MPRIP: variants seen among roughly 807,000 people sequenced by gnomAD.
The protein encoded by MPRIP is myosin phosphatase Rho interacting protein.
A neutral mutation model predicts 234.9 loss-of-function variants in MPRIP; 59 were observed. The observed-to-expected ratio is 0.25, with a 90% CI of 0.20 to 0.31. The LOEUF (loss-of-function observed/expected upper bound fraction) is 0.31. MPRIP is among the 10% of genes least tolerant of loss of function. The pLI is 1.00. For missense variants in MPRIP, 2,436 were observed against 3,071.0 expected, an observed-to-expected ratio of 0.79 and a Z score of 4.89; for synonymous variants, 1,144 against 1,263.9, an observed-to-expected ratio of 0.91 and a Z score of 2.01.
Position 17,177,351 on chromosome 17 carries a change from C to G in MPRIP, c.7059C>G (p.Leu2353=), listed in dbSNP as rs200762157. 618 of 1,613,958 alleles carry G rather than the reference C, an allele frequency of 3.8e-4. 4 individuals are homozygous for G. The South Asian group carries it at 6.5e-3, about 17-fold the overall frequency. Residue 2353 remains leucine (L), a synonymous_variant, in exon 22 of 24, where the codon CTC becomes CTG. Transcript: ENST00000651222. ...DCDISRLKEQ[L]KAATEALGEK... ...ACATCAGCAGGTTGAAGGAGCAGCT[C>G]AAGGCTGCAACGGAAGCACTGGGGG...
chr17:17,131,139 G>A (rs1407634285), intron 4 of MPRIP, among the ~76,000 whole-genome samples: 2 of 152,172 alleles, frequency 1.3e-5, no homozygotes, highest in Non-Finnish European at 2.9e-5. Flanking sequence ...CCCTCCCTCT[G>A]CAGGGACTGT....
chr17:17,099,845 G>A (rs761455317), intron 3 of MPRIP, among the ~76,000 whole-genome samples: 1 of 152,210 alleles, frequency 6.6e-6, no homozygotes, highest in Non-Finnish European at 1.5e-5. Context: ...GCTGTCCCAA[G>A]TGTTTTTCCC....
At chr17:17,064,628 G>A (rs1437508344) in intron 1 of MPRIP, among the ~76,000 whole-genome samples, 1 of 152,186 alleles carries the variant, frequency 6.6e-6, no homozygotes, top group Non-Finnish European at 1.5e-5. Context: ...AGAATGTTAT[G>A]TGAAGAAAAT....
At chr17:17,053,953 C>G (rs1422294794) in intron 1 of MPRIP, among the ~76,000 whole-genome samples, 1 of 152,206 alleles carries the variant, frequency 6.6e-6, no homozygotes, top group Non-Finnish European at 1.5e-5. Context: ...TTGGAAACTG[C>G]TACTGTAAGC....
chr17:17,093,774 A>G (rs1270641536), intron 3 of MPRIP, among the ~76,000 whole-genome samples: 1 of 152,206 alleles, frequency 6.6e-6, no homozygotes, highest in Non-Finnish European at 1.5e-5. Context: ...TTCTAGCCAG[A>G]ATACTCCGGT....
At chr17:17,066,036 G>C (rs1316227422) in intron 1 of MPRIP, among the ~76,000 whole-genome samples, 1 of 152,168 alleles carries the variant, frequency 6.6e-6, no homozygotes, top group Non-Finnish European at 1.5e-5. Flanking sequence ...AGTTCTAGGA[G>C]TTTTTTGTAG....
chr17:17,179,729 A>G (rs7206981), intron 22 of MPRIP, among the ~76,000 whole-genome samples: 127,359 of 152,248 alleles, frequency 0.84, 53,508 homozygotes, highest in East Asian at 0.99. Flanking sequence ...AGTCCCTTTG[A>G]AGGGAATGCT....
At chr17:17,169,561 C>T (rs1394621666) in intron 16 of MPRIP, among the ~76,000 whole-genome samples, 1 of 152,214 alleles carries the variant, frequency 6.6e-6, no homozygotes, top group African/African-American at 2.4e-5. Flanking sequence ...TGATGCAGGT[C>T]GGGATGAGGC....
At chr17:17,073,248 G>A (rs1018185928) in intron 1 of MPRIP, among the ~76,000 whole-genome samples, 2 of 152,054 alleles carry the variant, frequency 1.3e-5, no homozygotes, top group African/African-American at 2.4e-5. Context: ...TGCGCCGCCC[G>A]CCCACCTGCA....
chr17:17,132,178 G>A (rs999632896), intron 5 of MPRIP, among the ~76,000 whole-genome samples: 2 of 152,138 alleles, frequency 1.3e-5, no homozygotes, highest in South Asian at 4.1e-4. Context: ...TGGCTGACTG[G>A]GGTGGTCCCT....
intron 1 of MPRIP, among the ~76,000 whole-genome samples, chr17:17,050,877 G>C (rs990402424): frequency 6.6e-6 from 1 of 152,234 alleles, no homozygotes. Context: ...TAAACTGGAC[G>C]TGCAATGTTC....
chr17:17,085,277 T>G (rs1422374707), intron 3 of MPRIP, among the ~76,000 whole-genome samples: 3 of 152,202 alleles, frequency 2.0e-5, no homozygotes, highest in Non-Finnish European at 4.4e-5. Context: ...GCTGCTCATT[T>G]CTATTTCTGT....
chr17:17,155,424 A>G (rs534618971), intron 13 of MPRIP, among the ~76,000 whole-genome samples: 34 of 152,174 alleles, frequency 2.2e-4, no homozygotes, highest in Non-Finnish European at 2.9e-4. Context: ...TTGTATTTTT[A>G]GTAGAGACGG....
chr17:17,185,781 G>A lies in MPRIP; in HGVS notation c.*887G>A, dbSNP rs894959575. 4.1e-5 allele frequency: 14 copies of A among 343,680 alleles called. No homozygotes were observed. Among genetic ancestry groups the A allele is most frequent in the Admixed American group, 8.3e-5 (2 of 24,108 alleles). 21.3% of individuals were successfully genotyped at this position (343,680 alleles called of 1,614,324 possible). ...TTTTTTACCTTTTGGAAAAGAAACC[G>A]TCACATTGCTTTGGAAAAGGTTGAG... On this transcript the variant is annotated 3_prime_UTR_variant, in exon 24 of 24. Transcript: ENST00000651222.
chr17:17,096,703 G>A (rs1025352149), intron 3 of MPRIP: 6 of 468,352 alleles, frequency 1.3e-5, no homozygotes, highest in Admixed American at 1.2e-4. Flanking sequence ...GGCAGATCTG[G>A]GGCTCAGCCC....
chr17:17,048,388 C>T (rs1202193562), intron 1 of MPRIP, among the ~76,000 whole-genome samples: 2 of 152,150 alleles, frequency 1.3e-5, no homozygotes, highest in Non-Finnish European at 2.9e-5. Flanking sequence ...TCCCTTTGTT[C>T]CTGTAGACAT....
At chr17:17,057,874 A>G (rs2088752971) in intron 1 of MPRIP, 1 of 589,608 alleles carries the variant, frequency 1.7e-6, no homozygotes, top group East Asian at 2.8e-5. Context: ...AGAATGCAAT[A>G]TTGGATGTAC....
chr17:17,058,525 T>C (rs1164938899), intron 1 of MPRIP, among the ~76,000 whole-genome samples: 2 of 131,388 alleles, frequency 1.5e-5, no homozygotes, highest in Non-Finnish European at 1.6e-5. Flanking sequence ...CCATGGAGAG[T>C]GGGGACCCAG....
At chr17:17,133,719 A>C (rs56133536) in intron 5 of MPRIP, among the ~76,000 whole-genome samples, 80,119 of 152,106 alleles carry the variant, frequency 0.53, 25,180 homozygotes, top group East Asian at 0.68. Flanking sequence ...CAAGGATCGC[A>C]CTGCGGGAGC....
Sources: allele counts gnomAD v4.1 joint callset (sites outside exome capture counted in the v4.1 genomes callset), GRCh38; gene constraint gnomAD v4.1.1; transcripts MANE v1.5; gene names NCBI Gene and HGNC (gene_info 2026-07-23, HGNC 2026-07-21).